The following DNAJC12 variants were observed in gnomAD, a reference collection of about 807,000 sequenced individuals.
The protein encoded by DNAJC12 is DnaJ heat shock protein family (Hsp40) member C12.
DNAJC12 carries 25 observed loss-of-function variants against 28.5 expected under a neutral mutation model. That is an observed-to-expected ratio of 0.88 (90% confidence interval 0.64 to 1.22). DNAJC12 has a LOEUF of 1.22. Ranked by LOEUF, DNAJC12 falls within the 50% of genes most tolerant of loss-of-function variation. The probability of loss-of-function intolerance (pLI) is 0.00; values close to 1 mark genes in which losing one functional copy is unlikely to be tolerated. For missense variants in DNAJC12, 222 were observed against 231.7 expected, an observed-to-expected ratio of 0.96 and a Z score of 0.27; for synonymous variants, 77 against 80.6, an observed-to-expected ratio of 0.95 and a Z score of 0.24.
intron 2 of DNAJC12, among the ~76,000 whole-genome samples, chr10:67,816,342 C>A (rs1225220520): frequency 6.6e-6 from 1 of 151,778 alleles, no homozygotes; most frequent in Non-Finnish European, 1.5e-5. Context: ...TTTCTTCCAA[C>A]ATTATTTATT....
rs201122537 is a variant in DNAJC12 at position 67,836,368 on chromosome 10, A to G, written c.78+1566T>C. ...GATCCCAGAACTTAAAGTAAAATTG[A>G]AAAAAAAAAAAAAGGACTGACTAAA... On this transcript the variant is annotated intron_variant, in intron 1 of 4. Coordinates refer to ENST00000225171, the MANE Select transcript of DNAJC12 (RefSeq NM_021800.3). Among the ~76,000 whole-genome samples, 85 of 142,654 alleles carry G rather than the reference A, an allele frequency of 6.0e-4. No individual in the cohort carries two copies. The East Asian group carries it at 0.012, about 21-fold the overall frequency. 93.6% of individuals were successfully genotyped at this position (142,654 alleles called of 152,430 possible).
chr10:67,819,145 A>T (rs918620382), intron 2 of DNAJC12, among the ~76,000 whole-genome samples: 2 of 151,566 alleles, frequency 1.3e-5, no homozygotes, highest in African/African-American at 4.8e-5. Context: ...CACCCTAGCT[A>T]ACAAGGTGAA....
rs545356296 is a variant in DNAJC12 at position 67,828,767 on chromosome 10, A to T, written c.79-5375T>A. On this transcript the variant is annotated intron_variant, in intron 1 of 4. Coordinates refer to ENST00000225171, the MANE Select transcript of DNAJC12 (RefSeq NM_021800.3). ...AATTCCAATTCTAGGAATTTGTCTA[A>T]GGAGATAATCAGAGGTAAGAAAAGA... Among the ~76,000 whole-genome samples, 9 of 151,990 alleles carry T rather than the reference A, an allele frequency of 5.9e-5. No individual in the cohort carries two copies. In the South Asian group the frequency reaches 1.9e-3, roughly 32 times the overall value.
chr10:67,809,438 T>C (rs1308643748), intron 3 of DNAJC12, among the ~76,000 whole-genome samples: 1 of 152,114 alleles, frequency 6.6e-6, no homozygotes. Context: ...ATACTACATG[T>C]CTAAATTTAA....
chr10:67,815,292 T>C (rs933365975), intron 2 of DNAJC12, among the ~76,000 whole-genome samples: 1 of 152,124 alleles, frequency 6.6e-6, no homozygotes, highest in Non-Finnish European at 1.5e-5. Flanking sequence ...GCGGATCACC[T>C]GAGGTCAGGA....
chr10:67,833,697 G>C, intron 1 of DNAJC12: 1 of 352,008 alleles, frequency 2.8e-6, no homozygotes. Flanking sequence ...GTGCAGTTTT[G>C]GGCCATGATC....
intron 2 of DNAJC12, among the ~76,000 whole-genome samples, chr10:67,819,747 G>A (rs955395593): frequency 2.6e-4 from 6 of 22,838 alleles, no homozygotes; most frequent in African/African-American, 5.8e-4. Flanking sequence ...AGGAAGGAAG[G>A]AAGGAAGGAA....
intron 2 of DNAJC12, among the ~76,000 whole-genome samples, chr10:67,819,759 GAA>G (rs1185295583): frequency 0.17 from 3,487 of 20,246 alleles, 365 homozygotes; most frequent in East Asian, 0.26. Context: ...AGGAAGGAAG[GAA>G]GGAAGGAAGG....
chr10:67,801,158 T>C (rs1019413910), intron 4 of DNAJC12, among the ~76,000 whole-genome samples: 2 of 152,186 alleles, frequency 1.3e-5, no homozygotes, highest in African/African-American at 4.8e-5. Flanking sequence ...ATTTGGTGGC[T>C]GCTCATCACA....
chr10:67,824,219 G>A (rs1842007845), intron 1 of DNAJC12, among the ~76,000 whole-genome samples: 1 of 136,794 alleles, frequency 7.3e-6, no homozygotes, highest in Non-Finnish European at 1.5e-5. Context: ...CTGGGTGACA[G>A]AGCAAGAGTC....
At chr10:67,811,472 C>G in intron 3 of DNAJC12, 52 bp downstream of exon 3, 1 of 1,610,972 alleles carries the variant, frequency 6.2e-7, no homozygotes. Flanking sequence ...GAGTCTAATC[C>G]ATGGGCATCC....
chr10:67,820,866 C>T (rs531100859), intron 2 of DNAJC12, among the ~76,000 whole-genome samples: 6 of 146,368 alleles, frequency 4.1e-5, no homozygotes, highest in Non-Finnish European at 6.0e-5. Flanking sequence ...TCACCGCAAC[C>T]TCCGCCTCCT....
At chr10:67,822,598 A>G (rs891545938) in intron 2 of DNAJC12, among the ~76,000 whole-genome samples, 2 of 152,172 alleles carry the variant, frequency 1.3e-5, no homozygotes, top group African/African-American at 4.8e-5. Flanking sequence ...AAGCTTGGAT[A>G]GGTATAAGCA....
Position 67,837,990 on chromosome 10 carries a change from T to C in DNAJC12, c.22A>G (p.Arg8Gly). The C allele has an allele frequency of 6.2e-7, 1 of 1,608,058 alleles. No individual in the cohort carries two copies. Among genetic ancestry groups the C allele is most frequent in the African/African-American group, 1.3e-5 (1 of 74,728 alleles). The change falls in exon 1 of 5, where the codon AGG (arginine) becomes GGG (glycine). Residue 8 changes from arginine (R) to glycine (G), a missense_variant. Physicochemically the swap from Arg to Gly is moderately radical, Grantham distance 125 (BLOSUM62 -2). Coordinates refer to ENST00000225171, the MANE Select transcript of DNAJC12 (RefSeq NM_021800.3). ...TAGTAATCTTCAGTATCTTCTGACC[T>C]GTAATTCAGTATTGCATCCATTTAG... MDAILNY[R>G]SEDTEDYYTL... is the part of the protein sequence containing the mutation.
intron 1 of DNAJC12, among the ~76,000 whole-genome samples, chr10:67,834,462 T>C (rs1842123795): frequency 6.6e-6 from 1 of 152,192 alleles, no homozygotes; most frequent in African/African-American, 2.4e-5. Context: ...AAGTACTTTA[T>C]ATATCACGTA....
intron 2 of DNAJC12, among the ~76,000 whole-genome samples, chr10:67,813,705 C>G (rs1308806814): frequency 6.6e-6 from 1 of 150,770 alleles, no homozygotes; most frequent in Non-Finnish European, 1.5e-5. Flanking sequence ...TTGCAGTGAG[C>G]TGAGACCATG....
intron 4 of DNAJC12, among the ~76,000 whole-genome samples, chr10:67,804,904 C>T (rs1161748362): frequency 2.0e-5 from 3 of 152,010 alleles, no homozygotes; most frequent in Non-Finnish European, 4.4e-5. Flanking sequence ...TCATGGCAGG[C>T]GCCTGTAGTC....
At chr10:67,836,760 G>A (rs1444003188) in intron 1 of DNAJC12, among the ~76,000 whole-genome samples, 2 of 151,944 alleles carry the variant, frequency 1.3e-5, no homozygotes, top group Non-Finnish European at 2.9e-5. Context: ...AATCCTTTGT[G>A]TCCAGTAATG....
chr10:67,809,693 T>C (rs926952759), intron 3 of DNAJC12, among the ~76,000 whole-genome samples: 1 of 152,254 alleles, frequency 6.6e-6, no homozygotes, highest in African/African-American at 2.4e-5. Flanking sequence ...TGCAGCAACT[T>C]AGATGGACCT....
Sources: gnomAD v4.1 joint callset for allele counts (sites outside exome capture counted in the v4.1 genomes callset) on GRCh38, gnomAD v4.1.1 for gene constraint, MANE v1.5 for transcripts, NCBI Gene and HGNC (gene_info 2026-07-23, HGNC 2026-07-21) for gene names.